MACROD2: variants seen among roughly 807,000 people sequenced by gnomAD.
The protein encoded by MACROD2 is mono-ADP ribosylhydrolase 2.
MACROD2 carries 36 observed loss-of-function variants against 70.4 expected under a neutral mutation model. The observed-to-expected ratio is 0.51, with a 90% CI of 0.39 to 0.68. The LOEUF is 0.68. MACROD2 is among the 30% of genes least tolerant of loss of function. The pLI is 0.00. For missense variants in MACROD2, 496 were observed against 538.4 expected (o/e 0.92, Z 0.78); for synonymous variants, 172 against 178.8 (o/e 0.96, Z 0.30).
chr20:14,346,202 A>C (rs1281523509), intron 3 of MACROD2, among the ~76,000 whole-genome samples: 2 of 151,914 alleles, frequency 1.3e-5, no homozygotes, highest in East Asian at 3.9e-4. Context: ...TAACTTTATC[A>C]CAAAAACAAT....
intron 8 of MACROD2, among the ~76,000 whole-genome samples, chr20:15,571,084 T>C (rs370167009): frequency 2.9e-4 from 44 of 152,326 alleles, no homozygotes; most frequent in Admixed American, 4.6e-4. Context: ...GTTAAAACTC[T>C]GCTAAAGAAA....
chr20:15,382,764 A>G (rs548092489), intron 6 of MACROD2, among the ~76,000 whole-genome samples: 5 of 152,192 alleles, frequency 3.3e-5, no homozygotes, highest in Non-Finnish European at 7.4e-5. Context: ...AGTGGCATGG[A>G]GGAATAATTG....
At chr20:14,949,462 G>A (rs769406662) in intron 5 of MACROD2, among the ~76,000 whole-genome samples, 6 of 152,118 alleles carry the variant, frequency 3.9e-5, no homozygotes, top group Non-Finnish European at 8.8e-5. Context: ...GTGACTTGCA[G>A]GTCAAAAATC....
intron 8 of MACROD2, among the ~76,000 whole-genome samples, chr20:15,729,831 C>CTTTTGTTTTTTTTTTTTTTTTTTTTT (rs2050918812): frequency 1.5e-5 from 1 of 64,772 alleles, no homozygotes; most frequent in Non-Finnish European, 2.8e-5. Context: ...TTGGGTCATG[C>CTTTTGTTTTTTTTTTTTTTTTTTTTT]TTTTTTTTTT....
rs527731917 is a variant in MACROD2 at position 14,920,661 on chromosome 20, C to T, written c.418+235702C>T. On this transcript the variant is annotated intron_variant, in intron 5 of 17. Coordinates refer to ENST00000684519, the MANE Select transcript of MACROD2 (RefSeq NM_001351661.2). Reference sequence around the variant, plus strand: ...TGAAGAGTTACCTTCTAGTATAGACCTTAAGCATGTTATCATAGCTATGTG... The same window carrying T: ...TGAAGAGTTACCTTCTAGTATAGACTTTAAGCATGTTATCATAGCTATGTG... Among the ~76,000 whole-genome samples the T allele has an allele frequency of 2.0e-5, 3 of 152,054 alleles. No individual in the cohort carries two copies. In the East Asian group the frequency reaches 5.8e-4, roughly 29 times the overall value.
At chr20:15,329,530 G>A (rs1338238031) in intron 6 of MACROD2, among the ~76,000 whole-genome samples, 2 of 151,928 alleles carry the variant, frequency 1.3e-5, no homozygotes, top group East Asian at 3.9e-4. Context: ...TTGAACCCAG[G>A]AGCTCAGGAC....
At chr20:15,301,591 C>CTTTTTT (rs71340214) in intron 6 of MACROD2, among the ~76,000 whole-genome samples, 2,280 of 81,206 alleles carry the variant, frequency 0.028, 332 homozygotes, top group African/African-American at 0.099. Context: ...GGTAGGTGGC[C>CTTTTTT]TTTTTTTTTT....
chr20:15,218,395 T>C (rs1444493300), intron 5 of MACROD2, among the ~76,000 whole-genome samples: 1 of 152,248 alleles, frequency 6.6e-6, no homozygotes, highest in African/African-American at 2.4e-5. Flanking sequence ...CCTTGGACTC[T>C]GCTTTCATGT....
intron 2 of MACROD2, among the ~76,000 whole-genome samples, chr20:14,072,228 G>T (rs1219051828): frequency 6.6e-6 from 1 of 152,014 alleles, no homozygotes; most frequent in East Asian, 1.9e-4. Flanking sequence ...TAGGGCAAAG[G>T]CAAGTAATGC....
At chr20:15,406,495 G>A (rs1224840775) in intron 6 of MACROD2, among the ~76,000 whole-genome samples, 1 of 152,132 alleles carries the variant, frequency 6.6e-6, no homozygotes, top group African/African-American at 2.4e-5. Flanking sequence ...AGTCCTTGGG[G>A]AATGTCTTTT....
At chr20:14,714,398 C>G (rs1337854871) in intron 5 of MACROD2, among the ~76,000 whole-genome samples, 2 of 152,270 alleles carry the variant, frequency 1.3e-5, no homozygotes, top group East Asian at 1.9e-4. Flanking sequence ...CCCATCCACT[C>G]TGTTCTCCAC....
chr20:14,086,779 A>C (rs999158914), intron 3 of MACROD2, among the ~76,000 whole-genome samples: 3 of 152,162 alleles, frequency 2.0e-5, no homozygotes, highest in Non-Finnish European at 4.4e-5. Flanking sequence ...GGGAATTTGG[A>C]AAGTCTGTTT....
At chr20:16,036,945 A>G (rs1410590651) in intron 15 of MACROD2, among the ~76,000 whole-genome samples, 1 of 152,026 alleles carries the variant, frequency 6.6e-6, no homozygotes, top group African/African-American at 2.4e-5. Context: ...ACCAAACATG[A>G]TATTGGAGTC....
intron 8 of MACROD2, among the ~76,000 whole-genome samples, chr20:15,709,637 C>G (rs995675718): frequency 1.3e-5 from 2 of 152,002 alleles, no homozygotes; most frequent in Admixed American, 1.3e-4. Flanking sequence ...ACTGCACTCC[C>G]GCCTAGGTGA....
chr20:14,291,749 A>G (rs1029696183), intron 3 of MACROD2, among the ~76,000 whole-genome samples: 1 of 151,954 alleles, frequency 6.6e-6, no homozygotes, highest in Non-Finnish European at 1.5e-5. Context: ...CTGTTTCTGC[A>G]GAAAGCACCA....
chr20:15,549,130 G>A lies in MACROD2; in HGVS notation c.645+49283G>A, dbSNP rs113613270. On this transcript the variant is annotated intron_variant, in intron 8 of 17. Transcript: ENST00000684519. Reference sequence around the variant, plus strand: ...AGTTGTTGTAACTGCTAAGTTTTGGGTTAATTTGTTATGCAGCAATAATAG... The same window carrying A: ...AGTTGTTGTAACTGCTAAGTTTTGGATTAATTTGTTATGCAGCAATAATAG... Among the ~76,000 whole-genome samples, 166 of 152,326 alleles carry A rather than the reference G, an allele frequency of 1.1e-3. 2 individuals carry two copies. The highest frequency in any genetic ancestry group is 3.7e-3 in the African/African-American group (154 of 41,568).
At chr20:15,932,019 C>T (rs950954954) in intron 10 of MACROD2, among the ~76,000 whole-genome samples, 12 of 152,082 alleles carry the variant, frequency 7.9e-5, no homozygotes, top group East Asian at 7.7e-4. Context: ...AGCAAGACAA[C>T]GTTAAGTGAT....
At chr20:15,256,768 G>T (rs1470422947) in intron 6 of MACROD2, among the ~76,000 whole-genome samples, 1 of 151,962 alleles carries the variant, frequency 6.6e-6, no homozygotes, top group Non-Finnish European at 1.5e-5. Flanking sequence ...CATGGATATG[G>T]TATACTTGGA....
At chr20:14,471,076 G>T (rs2084525061) in intron 3 of MACROD2, among the ~76,000 whole-genome samples, 2 of 152,298 alleles carry the variant, frequency 1.3e-5, no homozygotes, top group Non-Finnish European at 2.9e-5. Flanking sequence ...GAATCTCCTG[G>T]TCTGTGGGTT....
Sources: allele counts gnomAD v4.1 joint callset (sites outside exome capture counted in the v4.1 genomes callset), GRCh38; gene constraint gnomAD v4.1.1; transcripts MANE v1.5; gene names NCBI Gene and HGNC (gene_info 2026-07-23, HGNC 2026-07-21).